The following PCDHA1 variants were observed in gnomAD, a reference collection of about 807,000 sequenced individuals.
PCDHA1 encodes the protein protocadherin alpha 1, also known as protocadherin alpha-1.
Under a neutral mutation model 61.3 loss-of-function variants are expected in PCDHA1, and 42 were observed. That is an observed-to-expected ratio of 0.69 (90% CI 0.54 to 0.89). The LOEUF (loss-of-function observed/expected upper bound fraction) is 0.89. Among genes scored for constraint, PCDHA1 ranks in the 40% least tolerant of loss-of-function variants. The probability of loss-of-function intolerance (pLI) is 0.00; values close to 1 mark genes in which losing one functional copy is unlikely to be tolerated. For synonymous variants in PCDHA1, 610 were observed against 553.8 expected (o/e 1.10, Z -1.43); for missense variants, 1,256 against 1,235.3 (o/e 1.02, Z -0.25).
At chr5:140,790,996 A>C (rs1761614552) in intron 1 of PCDHA1, among the ~76,000 whole-genome samples, 1 of 152,222 alleles carries the variant, frequency 6.6e-6, no homozygotes, top group Non-Finnish European at 1.5e-5. Context: ...TGGTAGTTAA[A>C]GTTCTTGCTC....
Position 140,787,618 on chromosome 5 carries a change from T to A in PCDHA1, c.1328T>A (p.Val443Glu), listed in dbSNP as rs1003710499. Residue 443 changes from valine to glutamate, a missense_variant, in exon 1 of 4, where the codon GTG (valine) becomes GAG (glutamate). Transcript: ENST00000504120. Reference protein sequence around the residue: ...PSLWATARVSVEVADVNDNAP... With the variant: ...PSLWATARVSEEVADVNDNAP... ...CTGTGGGCCACGGCCAGGGTGTCCG[T>A]GGAGGTGGCCGACGTGAATGACAAC... The A allele has an allele frequency of 1.2e-6, 2 of 1,613,822 alleles. No individual in the cohort carries two copies. Among genetic ancestry groups the A allele is most frequent in the African/African-American group, 2.7e-5 (2 of 74,882 alleles).
chr5:140,897,227 C>T (rs1554187259), intron 1 of PCDHA1, among the ~76,000 whole-genome samples: 1 of 152,036 alleles, frequency 6.6e-6, no homozygotes, highest in Non-Finnish European at 1.5e-5. Flanking sequence ...TACATGTGCA[C>T]AATGTGCAGG....
chr5:140,948,763 C>T (rs1195337502), intron 1 of PCDHA1, among the ~76,000 whole-genome samples: 4 of 151,102 alleles, frequency 2.6e-5, no homozygotes, highest in Non-Finnish European at 4.4e-5. Flanking sequence ...TGATTTTTTT[C>T]GAATAGCCAG....
chr5:140,850,026 C>T (rs2150464054), intron 1 of PCDHA1: 2 of 1,596,828 alleles, frequency 1.3e-6, no homozygotes, highest in Non-Finnish European at 1.7e-6. Context: ...CGTGTCAGTG[C>T]ACGCGGAGAG....
intron 1 of PCDHA1, among the ~76,000 whole-genome samples, chr5:140,872,366 C>T (rs1474545806): frequency 5.3e-5 from 8 of 152,126 alleles, no homozygotes; most frequent in African/African-American, 1.4e-4. Flanking sequence ...GTGGTTCAGG[C>T]CTGTAATCCC....
chr5:140,795,224 A>G, intron 1 of PCDHA1: 1 of 1,614,226 alleles, frequency 6.2e-7, no homozygotes. Flanking sequence ...TTGTTTGTGA[A>G]TTCTCGGATC....
At position 140,856,908 on chromosome 5, in the gene PCDHA1, C is replaced by G. The variant is rs1319775845; in HGVS notation, c.2394+68224C>G. 7 of 1,595,460 alleles carry G rather than the reference C, an allele frequency of 4.4e-6. 1 individual carries two copies. The African/African-American group carries it at 9.4e-5, about 22-fold the overall frequency. On this transcript the variant is annotated intron_variant, in intron 1 of 3. Coordinates refer to ENST00000504120, the MANE Select transcript of PCDHA1 (RefSeq NM_018900.4). ...TCATTTAGCTCTTTGGTCCCACCCA[C>G]GATAAGAAGGAAATTTTGGATAAAC...
chr5:140,899,468 G>C (rs1243330987), intron 1 of PCDHA1, among the ~76,000 whole-genome samples: 2 of 152,080 alleles, frequency 1.3e-5, no homozygotes, highest in African/African-American at 4.8e-5. Context: ...TTTGTCTTTG[G>C]TTCTGTTTAT....
At chr5:140,790,273 A>G (rs1460948343) in intron 1 of PCDHA1, among the ~76,000 whole-genome samples, 1 of 152,220 alleles carries the variant, frequency 6.6e-6, no homozygotes, top group African/African-American at 2.4e-5. Context: ...TGTATTTGGT[A>G]GTCATTCAGT....
intron 1 of PCDHA1, among the ~76,000 whole-genome samples, chr5:140,951,950 G>A (rs1408300368): frequency 6.6e-6 from 1 of 152,120 alleles, no homozygotes; most frequent in Non-Finnish European, 1.5e-5. Flanking sequence ...GCGGGTACAG[G>A]CATTGGGTAA....
intron 1 of PCDHA1, among the ~76,000 whole-genome samples, chr5:140,974,018 T>C (rs2096611642): frequency 1.3e-5 from 2 of 152,222 alleles, no homozygotes; most frequent in Non-Finnish European, 1.5e-5. Context: ...CATGTGATAA[T>C]ACAACTATAA....
intron 1 of PCDHA1, chr5:140,968,814 G>A: frequency 1.5e-5 from 24 of 1,614,232 alleles, no homozygotes; most frequent in Non-Finnish European, 1.9e-5. Context: ...GTGGTGGATA[G>A]GGTTTCCAAA....
chr5:141,008,430 GC>G (rs1252417058), intron 3 of PCDHA1, among the ~76,000 whole-genome samples: 2 of 152,260 alleles, frequency 1.3e-5, no homozygotes, highest in African/African-American at 4.8e-5. Context: ...GGATCACTTT[GC>G]CCAGACAGAC....
At chr5:141,001,959 C>T (rs755695273) in intron 3 of PCDHA1, among the ~76,000 whole-genome samples, 8 of 152,098 alleles carry the variant, frequency 5.3e-5, no homozygotes, top group Admixed American at 3.9e-4. Context: ...GAGGGAGAGG[C>T]GGGGTGTCTC....
At chr5:140,936,351 T>C (rs2090932385) in intron 1 of PCDHA1, among the ~76,000 whole-genome samples, 1 of 152,246 alleles carries the variant, frequency 6.6e-6, no homozygotes, top group African/African-American at 2.4e-5. Flanking sequence ...ATATATGGAA[T>C]GTGTAGCTAC....
chr5:140,841,770 C>A lies in PCDHA1; in HGVS notation c.2394+53086C>A, dbSNP rs148555729. 329 of 1,613,798 alleles carry A rather than the reference C, an allele frequency of 2.0e-4. 2 individuals carry two copies. The highest frequency in any genetic ancestry group is 3.6e-5 in the Non-Finnish European group (43 of 1,179,882). ...GTTTCAGAATCCAGAATGCCAGACT[C>A]TCGGTTTCCGCTAGAGGGCGCGTCC... On this transcript the variant is annotated intron_variant, in intron 1 of 3. Transcript: ENST00000504120.
At chr5:140,948,253 A>C (rs782144804) in intron 1 of PCDHA1, among the ~76,000 whole-genome samples, 14 of 151,624 alleles carry the variant, frequency 9.2e-5, no homozygotes, top group Admixed American at 2.6e-4. Flanking sequence ...ATATTTTTAC[A>C]TCTGTGTTCA....
At chr5:140,877,277 G>A in intron 1 of PCDHA1, 1 of 1,613,830 alleles carries the variant, frequency 6.2e-7, no homozygotes, top group South Asian at 1.1e-5. Context: ...GCTGACTCCG[G>A]CTATAACGCT....
At chr5:140,966,678 C>G (rs2096036369) in intron 1 of PCDHA1, 8 of 1,313,236 alleles carry the variant, frequency 6.1e-6, no homozygotes, top group Non-Finnish European at 2.9e-6. Context: ...CAGGGTGGCA[C>G]GAGCGGAGGC....
Sources: allele counts gnomAD v4.1 joint callset (sites outside exome capture counted in the v4.1 genomes callset), GRCh38; gene constraint gnomAD v4.1.1; transcripts MANE v1.5; gene names NCBI Gene and HGNC (gene_info 2026-07-23, HGNC 2026-07-21).